The following CPNE4 variants were observed in gnomAD, a reference collection of about 807,000 sequenced individuals.
CPNE4 encodes copine-4.
CPNE4 carries 25 observed loss-of-function variants against 67.9 expected under a neutral mutation model. The observed-to-expected ratio is 0.37, with a 90% CI of 0.27 to 0.51. The LOEUF is 0.51. Ranked by LOEUF, CPNE4 falls within the 20% of genes least tolerant of loss-of-function variation. The probability of loss-of-function intolerance (pLI) is 0.93; values close to 1 mark genes in which losing one functional copy is unlikely to be tolerated. For synonymous variants in CPNE4, 242 were observed against 244.9 expected (o/e 0.99, Z 0.11); for missense variants, 464 against 690.8 (o/e 0.67, Z 3.68).
intron 6 of CPNE4, among the ~76,000 whole-genome samples, chr3:131,682,258 T>C (rs1488051955): frequency 6.6e-6 from 1 of 152,140 alleles, no homozygotes; most frequent in African/African-American, 2.4e-5. Flanking sequence ...AGCCTGGGCT[T>C]GTTTGTACCA....
At chr3:131,879,473 T>C (rs2107713591) in intron 2 of CPNE4, among the ~76,000 whole-genome samples, 1 of 152,288 alleles carries the variant, frequency 6.6e-6, no homozygotes, top group East Asian at 1.9e-4. Context: ...AATTCAGGTT[T>C]AAGGCTGTAT....
chr3:131,745,840 C>A (rs973057240), intron 2 of CPNE4, among the ~76,000 whole-genome samples: 1 of 152,082 alleles, frequency 6.6e-6, no homozygotes, highest in Non-Finnish European at 1.5e-5. Flanking sequence ...ATTCTTTCCA[C>A]TTTAGTCTTC....
At chr3:131,985,070 C>T (rs2073008953) in intron 1 of CPNE4, among the ~76,000 whole-genome samples, 1 of 152,186 alleles carries the variant, frequency 6.6e-6, no homozygotes, top group Admixed American at 6.5e-5. Context: ...AGTCTGCGAT[C>T]AGGATGCCAG....
chr3:131,559,109 C>T (rs1209060038), intron 11 of CPNE4, among the ~76,000 whole-genome samples: 1 of 151,906 alleles, frequency 6.6e-6, no homozygotes, highest in African/African-American at 2.4e-5. Flanking sequence ...GGGAAAAAAT[C>T]CTTTTGCAAG....
At chr3:132,005,398 A>G (rs9839500) in intron 1 of CPNE4, among the ~76,000 whole-genome samples, 107,326 of 138,410 alleles carry the variant, frequency 0.78, 42,817 homozygotes, top group South Asian at 0.88. Context: ...TCTATCATAT[A>G]TATATAATAG....
At chr3:131,621,108 G>T (rs990692592) in intron 7 of CPNE4, among the ~76,000 whole-genome samples, 1 of 152,134 alleles carries the variant, frequency 6.6e-6, no homozygotes, top group African/African-American at 2.4e-5. Flanking sequence ...TGATTGTTTT[G>T]ACCTTGACTT....
At chr3:131,538,682 G>C (rs1935309859) in intron 15 of CPNE4, 1 of 152,222 alleles carries the variant, frequency 6.6e-6, no homozygotes, top group Non-Finnish European at 1.5e-5. Context: ...AAATTAATGT[G>C]CTGGGAACTT....
chr3:131,942,463 T>TGA (rs59277847), intron 1 of CPNE4, among the ~76,000 whole-genome samples: 87 of 70,752 alleles, frequency 1.2e-3, no homozygotes, highest in South Asian at 2.5e-3. Context: ...TGTGTGTGTG[T>TGA]GAGAGAGAGA....
chr3:131,663,111 C>T (rs1465460167), intron 7 of CPNE4, among the ~76,000 whole-genome samples: 1 of 152,182 alleles, frequency 6.6e-6, no homozygotes, highest in Non-Finnish European at 1.5e-5. Context: ...CACATATACA[C>T]CATGGAATAC....
chr3:131,839,643 T>C (rs1449116610), intron 2 of CPNE4, among the ~76,000 whole-genome samples: 1 of 152,050 alleles, frequency 6.6e-6, no homozygotes, highest in African/African-American at 2.4e-5. Context: ...GAGTGGTGGG[T>C]TTATAGTATA....
At chr3:131,838,515 C>A (rs561093719) in intron 2 of CPNE4, among the ~76,000 whole-genome samples, 3 of 151,034 alleles carry the variant, frequency 2.0e-5, no homozygotes, top group Admixed American at 6.6e-5. Context: ...TAAAAATAAA[C>A]CCTACAAATC....
chr3:131,995,163 T>C (rs982116278), intron 1 of CPNE4, among the ~76,000 whole-genome samples: 5 of 152,046 alleles, frequency 3.3e-5, no homozygotes, highest in Admixed American at 2.0e-4. Context: ...TTTAATTTTA[T>C]CTGTTCTCAA....
At chr3:131,658,224 G>A (rs980424061) in intron 7 of CPNE4, among the ~76,000 whole-genome samples, 7 of 152,146 alleles carry the variant, frequency 4.6e-5, no homozygotes, top group African/African-American at 1.4e-4. Context: ...AAGTCTGAGT[G>A]ATTGGACAAA....
chr3:131,917,432 C>T (rs2070589547), intron 1 of CPNE4, among the ~76,000 whole-genome samples: 2 of 152,136 alleles, frequency 1.3e-5, no homozygotes, highest in South Asian at 4.2e-4. Context: ...TGCAATCAGA[C>T]TCATGACCAG....
intron 2 of CPNE4, among the ~76,000 whole-genome samples, chr3:131,822,019 T>C (rs1308696149): frequency 1.3e-5 from 2 of 152,206 alleles, no homozygotes; most frequent in Non-Finnish European, 2.9e-5. Flanking sequence ...ACTTCAGTAA[T>C]CTTGGGAGAT....
At chr3:131,685,044 T>G (rs1344785518) in intron 6 of CPNE4, among the ~76,000 whole-genome samples, 3 of 152,194 alleles carry the variant, frequency 2.0e-5, no homozygotes. Flanking sequence ...GGAAGCAGAT[T>G]GACTTCCCAA....
rs564532917 is a variant in CPNE4, at chr3:131,989,598, T to C, written c.-2+44969A>G. ...AAAGAAAATTCAAGATAGAATGAAA[T>C]TAATGCTGAAAAGAGAGAGAAGCAA... On this transcript the variant is annotated intron_variant, in intron 1 of 15. Coordinates refer to ENST00000429747, the MANE Select transcript of CPNE4 (RefSeq NM_130808.3). 2.9e-3 allele frequency among the ~76,000 whole-genome samples: 395 copies of C among 134,562 alleles called. 24 individuals carry two copies. Among genetic ancestry groups the C allele is most frequent in the African/African-American group, 9.3e-3 (376 of 40,562 alleles). The allele number at this position is 134,562 out of a possible 152,430, so 88.3% of individuals were successfully genotyped here.
chr3:131,811,991 A>G (rs534373381), intron 2 of CPNE4, among the ~76,000 whole-genome samples: 1 of 152,258 alleles, frequency 6.6e-6, no homozygotes, highest in South Asian at 2.1e-4. Context: ...TTGATATTTA[A>G]GTATAGGAGA....
At chr3:131,564,641 A>C (rs969328222) in intron 10 of CPNE4, among the ~76,000 whole-genome samples, 1 of 151,998 alleles carries the variant, frequency 6.6e-6, no homozygotes, top group Non-Finnish European at 1.5e-5. Context: ...GATCCATCTC[A>C]CCAGGCAGCA....
Sources: gnomAD v4.1 joint callset for allele counts (sites outside exome capture counted in the v4.1 genomes callset) on GRCh38, gnomAD v4.1.1 for gene constraint, MANE v1.5 for transcripts, NCBI Gene and HGNC (gene_info 2026-07-23, HGNC 2026-07-21) for gene names.